Variants in GMDS observed in about 807,000 individuals in gnomAD.
GMDS encodes GDP-mannose 4,6-dehydratase, also known as GDP-mannose 4,6 dehydratase.
In GMDS, 20 loss-of-function variants were observed where a neutral mutation model predicts 49.9. That is an observed-to-expected ratio of 0.40 (90% CI 0.28 to 0.58). The LOEUF (loss-of-function observed/expected upper bound fraction) is 0.58. Ranked by LOEUF, GMDS falls within the 20% of genes least tolerant of loss-of-function variation. The probability of loss-of-function intolerance (pLI) is 0.42; values close to 1 mark genes in which losing one functional copy is unlikely to be tolerated. For synonymous variants in GMDS, 177 were observed against 178.6 expected (o/e 0.99, Z 0.07); for missense variants, 362 against 481.4 (o/e 0.75, Z 2.32).
chr6:1,810,901 G>A (rs1387446862), intron 7 of GMDS, among the ~76,000 whole-genome samples: 1 of 152,116 alleles, frequency 6.6e-6, no homozygotes, highest in Non-Finnish European at 1.5e-5. Context: ...ATACCTTTGT[G>A]GCAATTATGT....
At chr6:1,641,687 C>T (rs1174129496) in intron 9 of GMDS, among the ~76,000 whole-genome samples, 7 of 152,054 alleles carry the variant, frequency 4.6e-5, no homozygotes, top group African/African-American at 9.7e-5. Flanking sequence ...GCGTACAGCT[C>T]GCGTCTCTCG....
intron 7 of GMDS, among the ~76,000 whole-genome samples, chr6:1,905,131 G>A (rs114902788): frequency 1.0e-3 from 159 of 152,368 alleles, no homozygotes; most frequent in African/African-American, 3.8e-3. Context: ...ACTTAACCAA[G>A]CGATGCCTCC....
In GMDS at chr6:1,840,795, G is replaced by A. The variant is rs6920017; in HGVS notation, c.771+89308C>T. On this transcript the variant is annotated intron_variant, in intron 7 of 10. Coordinates refer to ENST00000380815, the MANE Select transcript of GMDS (RefSeq NM_001500.4). ...CTAGACTTAAAAAAAGGAAAAATTT[G>A]TAGAATAGCCGTAATGTGTGGTCTT... is the stretch of plus-strand genomic sequence containing the variant. Among the ~76,000 whole-genome samples the A allele has an allele frequency of 6.0e-3, 921 of 152,252 alleles. 8 individuals are homozygous for A. Among genetic ancestry groups the A allele is most frequent in the African/African-American group, 0.021 (864 of 41,526 alleles).
intron 4 of GMDS, among the ~76,000 whole-genome samples, chr6:1,972,300 A>G (rs1258128617): frequency 6.8e-6 from 1 of 146,388 alleles, no homozygotes; most frequent in African/African-American, 2.5e-5. Context: ...ATTTAAAAAT[A>G]CTTTGTGACC....
intron 7 of GMDS, among the ~76,000 whole-genome samples, chr6:1,861,883 T>C (rs1242334965): frequency 6.6e-6 from 1 of 152,236 alleles, no homozygotes. Context: ...AAAGTCTACA[T>C]AAAATAAAAT....
chr6:1,717,195 G>T (rs1581501041), intron 9 of GMDS, among the ~76,000 whole-genome samples: 1 of 152,204 alleles, frequency 6.6e-6, no homozygotes, highest in Admixed American at 6.5e-5. Context: ...CTCCAGAACT[G>T]TAAGACAATG....
intron 4 of GMDS, among the ~76,000 whole-genome samples, chr6:2,044,412 G>T (rs942557671): frequency 7.9e-5 from 12 of 152,202 alleles, no homozygotes; most frequent in Middle Eastern, 3.4e-3. Context: ...TTCTTGGTGG[G>T]GACATGGATG....
chr6:1,857,076 G>A (rs183961997), intron 7 of GMDS, among the ~76,000 whole-genome samples: 27 of 152,312 alleles, frequency 1.8e-4, no homozygotes, highest in Admixed American at 5.9e-4. Flanking sequence ...GAGGGAATGA[G>A]CACCAGCACT....
At chr6:2,080,185 T>G (rs1305265191) in intron 4 of GMDS, among the ~76,000 whole-genome samples, 2 of 152,198 alleles carry the variant, frequency 1.3e-5, no homozygotes, top group Admixed American at 1.3e-4. Context: ...TAACTATCTC[T>G]TTGGCAAATT....
intron 4 of GMDS, among the ~76,000 whole-genome samples, chr6:2,086,539 C>T (rs1427212214): frequency 6.6e-6 from 1 of 152,228 alleles, no homozygotes; most frequent in East Asian, 1.9e-4. Context: ...TGCTCCTCCC[C>T]AAAGCTGCCG....
In GMDS at chr6:2,023,110, C is replaced by T. The variant is rs139395962; in HGVS notation, c.346-62144G>A. On this transcript the variant is annotated intron_variant, in intron 4 of 10. Transcript: ENST00000380815. ...ACTGTGTCTCCAGAGATGTTCTGGG[C>T]ATTTTTCAAATAGCTGGCTTGAATT... Among the ~76,000 whole-genome samples the T allele has an allele frequency of 3.6e-3, 546 of 152,250 alleles. 7 individuals are homozygous for T. The highest frequency in any genetic ancestry group is 0.012 in the African/African-American group (517 of 41,550).
intron 3 of GMDS, among the ~76,000 whole-genome samples, chr6:2,116,676 G>C (rs1774869007): frequency 6.6e-6 from 1 of 152,132 alleles, no homozygotes; most frequent in Non-Finnish European, 1.5e-5. Flanking sequence ...AAATATGCAG[G>C]GGTCAGGGGT....
intron 4 of GMDS, among the ~76,000 whole-genome samples, chr6:2,051,161 T>C (rs1770371492): frequency 1.3e-5 from 2 of 152,194 alleles, no homozygotes; most frequent in African/African-American, 2.4e-5. Flanking sequence ...CCGAGGAATG[T>C]AGGCAGCCTC....
chr6:1,861,452 G>A (rs1221064090), intron 7 of GMDS, among the ~76,000 whole-genome samples: 2 of 152,090 alleles, frequency 1.3e-5, no homozygotes, highest in African/African-American at 4.8e-5. Flanking sequence ...CACAGCCTGG[G>A]TTAGGCATCT....
At position 2,148,960 on chromosome 6, in the gene GMDS, G is replaced by A. The variant is rs539852624; in HGVS notation, c.103-24229C>T. Among the ~76,000 whole-genome samples, 7 of 152,264 alleles carry A rather than the reference G, an allele frequency of 4.6e-5. No individual in the cohort carries two copies. In the East Asian group the frequency reaches 7.7e-4, roughly 17 times the overall value. On this transcript the variant is annotated intron_variant, in intron 1 of 10. Coordinates refer to ENST00000380815, the MANE Select transcript of GMDS (RefSeq NM_001500.4). ...CCTAGAGGTACAACATGCAGGTACCGCTGATACAGCAGGCTTCCACAGCAT... is the reference window on the plus strand; with the variant it reads ...CCTAGAGGTACAACATGCAGGTACCACTGATACAGCAGGCTTCCACAGCAT...
At chr6:1,813,296 GTT>G (rs1309783020) in intron 7 of GMDS, among the ~76,000 whole-genome samples, 2 of 143,956 alleles carry the variant, frequency 1.4e-5, no homozygotes, top group African/African-American at 5.1e-5. Flanking sequence ...GAATCAATAT[GTT>G]TTCAAGAATC....
intron 7 of GMDS, among the ~76,000 whole-genome samples, chr6:1,892,964 ACTAGCTC>A (rs1454891561): frequency 6.6e-6 from 1 of 152,126 alleles, no homozygotes; most frequent in Non-Finnish European, 1.5e-5. Context: ...AGAGTTCCAC[ACTAGCTC>A]CTTGTTTATA....
In GMDS at chr6:1,910,033, A is replaced by G. The variant is rs528544784; in HGVS notation, c.771+20070T>C. 3.3e-5 allele frequency among the ~76,000 whole-genome samples: 5 copies of G among 152,324 alleles called. No individual in the cohort carries two copies. In the Middle Eastern group the frequency reaches 0.01, roughly 311 times the overall value. On this transcript the variant is annotated intron_variant, in intron 7 of 10. Coordinates refer to ENST00000380815, the MANE Select transcript of GMDS (RefSeq NM_001500.4). ...ACTGGATTTTGAAGACGTCGTACAG[A>G]AAAAGGAATGTAAAATGTCTCAATA...
At chr6:2,081,533 C>T (rs180862442) in intron 4 of GMDS, among the ~76,000 whole-genome samples, 4 of 152,230 alleles carry the variant, frequency 2.6e-5, no homozygotes, top group Middle Eastern at 3.4e-3. Flanking sequence ...TTTGAACTTA[C>T]ATTACCCAGT....
Sources: gnomAD v4.1 joint callset for allele counts (sites outside exome capture counted in the v4.1 genomes callset) on GRCh38, gnomAD v4.1.1 for gene constraint, MANE v1.5 for transcripts, NCBI Gene and HGNC (gene_info 2026-07-23, HGNC 2026-07-21) for gene names.